BMPR1B: variants seen among roughly 807,000 people sequenced by gnomAD.
BMPR1B encodes bone morphogenetic protein receptor type-1B.
Under a neutral mutation model 59.1 loss-of-function variants are expected in BMPR1B, and 12 were observed. That is an observed-to-expected ratio of 0.20 (90% CI 0.13 to 0.33). The LOEUF (loss-of-function observed/expected upper bound fraction) is 0.33. BMPR1B is among the 10% of genes least tolerant of loss of function. The pLI is 1.00. For missense variants in BMPR1B, 550 were observed against 610.9 expected, an observed-to-expected ratio of 0.90 and a Z score of 1.05; for synonymous variants, 237 against 207.3, an observed-to-expected ratio of 1.14 and a Z score of -1.23.
intron 2 of BMPR1B, among the ~76,000 whole-genome samples, chr4:94,984,844 G>A (rs919757992): frequency 2.0e-5 from 3 of 152,190 alleles, no homozygotes; most frequent in African/African-American, 4.8e-5. Context: ...CTAAGAAGGA[G>A]ACAGCAAGCA....
chr4:94,800,925 G>A (rs1452286406), intron 1 of BMPR1B, among the ~76,000 whole-genome samples: 2 of 152,162 alleles, frequency 1.3e-5, no homozygotes, highest in East Asian at 3.9e-4. Context: ...TAAGAGTTAT[G>A]CATTTTATAG....
chr4:94,924,407 C>A (rs1227517623), intron 2 of BMPR1B, among the ~76,000 whole-genome samples: 1 of 152,166 alleles, frequency 6.6e-6, no homozygotes, highest in South Asian at 2.1e-4. Flanking sequence ...CTACTACTCC[C>A]TGAATTAGGA....
intron 2 of BMPR1B, among the ~76,000 whole-genome samples, chr4:94,990,090 G>T (rs1721642001): frequency 6.6e-6 from 1 of 152,224 alleles, no homozygotes; most frequent in South Asian, 2.1e-4. Context: ...GGGCATGGTG[G>T]CTCATGCCTA....
chr4:94,886,023 T>C (rs1727157899), intron 2 of BMPR1B, among the ~76,000 whole-genome samples: 1 of 152,208 alleles, frequency 6.6e-6, no homozygotes, highest in Admixed American at 6.5e-5. Flanking sequence ...GTAAAGGTAC[T>C]GCACTTTTTA....
chr4:95,048,560 C>T (rs547454883), intron 3 of BMPR1B, among the ~76,000 whole-genome samples: 1 of 152,138 alleles, frequency 6.6e-6, no homozygotes, highest in Non-Finnish European at 1.5e-5. Context: ...TGATGTTGAA[C>T]ATTCTTTTCA....
chr4:94,913,744 A>G (rs768732214), intron 2 of BMPR1B, among the ~76,000 whole-genome samples: 23 of 152,130 alleles, frequency 1.5e-4, no homozygotes, highest in Non-Finnish European at 2.6e-4. Flanking sequence ...CTATTCTCAC[A>G]AAGTTTATGT....
rs895692917 is a variant in BMPR1B, at chr4:95,051,800, G to A, written c.-17-52608G>A. The A allele has an allele frequency of 5.9e-6, 9 of 1,530,708 alleles. No individual in the cohort carries two copies. In the African/African-American group the frequency reaches 1.2e-4, roughly 21 times the overall value. The allele number at this position is 1,530,708 out of a possible 1,614,324, so 94.8% of individuals were successfully genotyped here. A position where few individuals can be genotyped will look rare whatever the true frequency, so the allele number is the denominator to read the frequency against. ...AAGAAGATCAGTGCCCTCCACTACA[G>A]TGCTGATGGGGCTGAGTTAGAGTCT... On this transcript the variant is annotated intron_variant, in intron 3 of 12. Transcript: ENST00000515059.
At chr4:94,873,630 G>T (rs565923776) in intron 1 of BMPR1B, among the ~76,000 whole-genome samples, 1 of 151,980 alleles carries the variant, frequency 6.6e-6, no homozygotes, top group African/African-American at 2.4e-5. Flanking sequence ...AGATGGTCTC[G>T]ATCTCCTGAC....
intron 2 of BMPR1B, among the ~76,000 whole-genome samples, chr4:94,944,143 C>T (rs925732757): frequency 6.6e-6 from 1 of 152,034 alleles, no homozygotes; most frequent in African/African-American, 2.4e-5. Context: ...AGACTTGGGT[C>T]CAACCCCAAG....
At chr4:94,894,804 G>A (rs1009256071) in intron 2 of BMPR1B, among the ~76,000 whole-genome samples, 1 of 151,796 alleles carries the variant, frequency 6.6e-6, no homozygotes, top group Non-Finnish European at 1.5e-5. Context: ...AATACTGAGA[G>A]AAGCAGCTCT....
chr4:94,866,341 C>G (rs1028101509), intron 1 of BMPR1B, among the ~76,000 whole-genome samples: 1 of 152,138 alleles, frequency 6.6e-6, no homozygotes, highest in Non-Finnish European at 1.5e-5. Context: ...TTGATACTGC[C>G]TTTCTTCCTT....
chr4:94,929,700 T>G (rs1313095015), intron 2 of BMPR1B, among the ~76,000 whole-genome samples: 2 of 152,090 alleles, frequency 1.3e-5, no homozygotes, highest in Non-Finnish European at 2.9e-5. Context: ...ATGACTTCAT[T>G]TAACTGCACT....
intron 2 of BMPR1B, among the ~76,000 whole-genome samples, chr4:94,879,188 G>A (rs1455908131): frequency 6.6e-6 from 1 of 152,086 alleles, no homozygotes; most frequent in Non-Finnish European, 1.5e-5. Flanking sequence ...GTAAATGGTA[G>A]AGCTGGTATT....
intron 3 of BMPR1B, among the ~76,000 whole-genome samples, chr4:95,079,155 A>G (rs1728926901): frequency 6.6e-6 from 1 of 152,250 alleles, no homozygotes; most frequent in Non-Finnish European, 1.5e-5. Context: ...TTTCAATTTT[A>G]GAAAGCAGAG....
At chr4:94,768,354 CT>C (rs1390660478) in intron 1 of BMPR1B, among the ~76,000 whole-genome samples, 1 of 151,064 alleles carries the variant, frequency 6.6e-6, no homozygotes, top group Non-Finnish European at 1.5e-5. Flanking sequence ...TTACCTTCTC[CT>C]TAAAAAACAA....
intron 4 of BMPR1B, among the ~76,000 whole-genome samples, chr4:95,109,620 A>T (rs1731466675): frequency 6.6e-6 from 1 of 151,966 alleles, no homozygotes; most frequent in Non-Finnish European, 1.5e-5. Flanking sequence ...GATCTATTTA[A>T]TTATTTTTTT....
chr4:95,034,987 G>A (rs1160296796), intron 3 of BMPR1B, among the ~76,000 whole-genome samples: 1 of 151,838 alleles, frequency 6.6e-6, no homozygotes, highest in African/African-American at 2.4e-5. Context: ...CAGGAGTAAG[G>A]TTGTATCTCA....
intron 2 of BMPR1B, among the ~76,000 whole-genome samples, chr4:94,928,621 T>C (rs1007834377): frequency 1.2e-4 from 18 of 151,316 alleles, no homozygotes; most frequent in African/African-American, 2.9e-4. Flanking sequence ...AGAAAAAATA[T>C]TATTGTTTGG....
At chr4:94,799,059 A>G (rs1441076879) in intron 1 of BMPR1B, among the ~76,000 whole-genome samples, 2 of 151,096 alleles carry the variant, frequency 1.3e-5, no homozygotes, top group Non-Finnish European at 1.5e-5. Flanking sequence ...TAACCCCCAT[A>G]AAGGTTTTCT....
Sources: allele counts gnomAD v4.1 joint callset (sites outside exome capture counted in the v4.1 genomes callset), GRCh38; gene constraint gnomAD v4.1.1; transcripts MANE v1.5; gene names NCBI Gene and HGNC (gene_info 2026-07-23, HGNC 2026-07-21).